GRIK4: variants seen among roughly 807,000 people sequenced by gnomAD.
GRIK4 encodes glutamate receptor ionotropic, kainate 4.
GRIK4 carries 40 observed loss-of-function variants against 104.9 expected under a neutral mutation model. The observed-to-expected ratio is 0.38, with a 90% CI of 0.30 to 0.50. The LOEUF is 0.50. Ranked by LOEUF, GRIK4 falls within the 20% of genes least tolerant of loss-of-function variation. The pLI is 0.93. For missense variants in GRIK4, 1,047 were observed against 1,308.1 expected, an observed-to-expected ratio of 0.80 and a Z score of 3.08; for synonymous variants, 485 against 524.9, an observed-to-expected ratio of 0.92 and a Z score of 1.04.
intron 8 of GRIK4, among the ~76,000 whole-genome samples, chr11:120,852,026 A>G (rs1039641948): frequency 6.6e-6 from 1 of 152,262 alleles, no homozygotes; most frequent in Admixed American, 6.5e-5. Context: ...AATGCTGATC[A>G]GTGCCTGAAG....
intron 3 of GRIK4, among the ~76,000 whole-genome samples, chr11:120,792,156 G>T (rs963960015): frequency 6.6e-6 from 1 of 152,168 alleles, no homozygotes; most frequent in African/African-American, 2.4e-5. Flanking sequence ...GGGGATGTCT[G>T]AGCCGAGATA....
chr11:120,647,854 C>T (rs535478697), intron 1 of GRIK4, among the ~76,000 whole-genome samples: 1 of 152,294 alleles, frequency 6.6e-6, no homozygotes, highest in Non-Finnish European at 1.5e-5. Context: ...CAGGGAGCTT[C>T]TTGAGGGAAG....
At chr11:120,766,292 C>T (rs1036711410) in intron 3 of GRIK4, among the ~76,000 whole-genome samples, 4 of 152,202 alleles carry the variant, frequency 2.6e-5, no homozygotes, top group South Asian at 2.1e-4. Flanking sequence ...TAATGGCAAA[C>T]GCCCCTCCCC....
intron 11 of GRIK4, among the ~76,000 whole-genome samples, chr11:120,887,196 T>G (rs1205032235): frequency 6.6e-6 from 1 of 152,226 alleles, no homozygotes; most frequent in African/African-American, 2.4e-5. Flanking sequence ...CAGAGAGGGC[T>G]GTTTTGTGGC....
At chr11:120,610,839 G>A (rs1164476027) in intron 1 of GRIK4, among the ~76,000 whole-genome samples, 1 of 152,280 alleles carries the variant, frequency 6.6e-6, no homozygotes, top group African/African-American at 2.4e-5. Context: ...CTTGCTACAG[G>A]TTATGCCTAG....
intron 3 of GRIK4, among the ~76,000 whole-genome samples, chr11:120,741,850 T>G (rs1038218187): frequency 6.6e-6 from 1 of 152,142 alleles, no homozygotes; most frequent in Non-Finnish European, 1.5e-5. Context: ...CAAAGCCCAG[T>G]GGGCCCCTGT....
rs60713831 is a variant in GRIK4 at position 120,568,394 on chromosome 11, C to CT, written c.-159+56518dup. 5.7e-4 allele frequency among the ~76,000 whole-genome samples: 83 copies of CT among 146,718 alleles called. 1 individual carries two copies. Among genetic ancestry groups the CT allele is most frequent in the Non-Finnish European group, 6.8e-4 (45 of 66,180 alleles). On this transcript the variant is annotated intron_variant, in intron 1 of 20. Coordinates refer to ENST00000527524, the MANE Select transcript of GRIK4 (RefSeq NM_014619.5). ...TCCAGGCATTCTTTTCTTTTCTTTT[C>CT]TTTTTTTTTTTGAGACAGAGTCTTG...
chr11:120,840,744 A>C (rs978138771), intron 8 of GRIK4, among the ~76,000 whole-genome samples: 11 of 152,168 alleles, frequency 7.2e-5, no homozygotes, highest in African/African-American at 2.7e-4. Flanking sequence ...TTCATCCAGA[A>C]ATCAATCTGC....
chr11:120,555,785 G>A lies in GRIK4; in HGVS notation c.-159+43898G>A, dbSNP rs1948180399. Reference sequence around the variant, plus strand: ...TTCATCCTTGTCCTCAGAGGCCTTGGGGCTTCTTCCCACCGTCATTATTGA... The same window carrying A: ...TTCATCCTTGTCCTCAGAGGCCTTGAGGCTTCTTCCCACCGTCATTATTGA... On this transcript the variant is annotated intron_variant, in intron 1 of 20. Coordinates refer to ENST00000527524, the MANE Select transcript of GRIK4 (RefSeq NM_014619.5). This position sits in a 1 kb window ranked among gnomAD's most constrained non-coding sequence, Gnocchi z 5.3. Among the ~76,000 whole-genome samples the A allele has an allele frequency of 6.6e-6, 1 of 152,050 alleles. No individual in the cohort carries two copies.
At chr11:120,657,798 G>A (rs1301914417) in intron 2 of GRIK4, among the ~76,000 whole-genome samples, 1 of 152,214 alleles carries the variant, frequency 6.6e-6, no homozygotes, top group Non-Finnish European at 1.5e-5. Flanking sequence ...TGTTGGGGGA[G>A]GCGGAGTGTC....
chr11:120,760,434 C>CATAT (rs34870881), intron 3 of GRIK4, among the ~76,000 whole-genome samples: 13,742 of 146,336 alleles, frequency 0.094, 966 homozygotes, highest in African/African-American at 0.19. Flanking sequence ...CATATATATA[C>CATAT]ATATATATAT....
At chr11:120,644,044 T>TGTGTGTGTGTGTGAGAGA (rs1446673011) in intron 1 of GRIK4, among the ~76,000 whole-genome samples, 3 of 112,642 alleles carry the variant, frequency 2.7e-5, no homozygotes, top group African/African-American at 1.1e-4. Context: ...TGTGTGTGTG[T>TGTGTGTGTGTGTGAGAGA]GAGAGAGAGA....
chr11:120,631,716 C>T (rs1949335415), intron 1 of GRIK4, among the ~76,000 whole-genome samples: 1 of 152,132 alleles, frequency 6.6e-6, no homozygotes, highest in Non-Finnish European at 1.5e-5. Context: ...TAATTTAGGG[C>T]TGATTATTAG....
At chr11:120,604,264 A>G (rs1948928985) in intron 1 of GRIK4, among the ~76,000 whole-genome samples, 1 of 152,002 alleles carries the variant, frequency 6.6e-6, no homozygotes, top group Non-Finnish European at 1.5e-5. Context: ...GCCCTGCCAC[A>G]AAGAATGATC....
chr11:120,690,665 A>G (rs1381153403), intron 3 of GRIK4, among the ~76,000 whole-genome samples: 1 of 152,198 alleles, frequency 6.6e-6, no homozygotes, highest in Non-Finnish European at 1.5e-5. Flanking sequence ...TTTCTCCCAA[A>G]TGGGGACAGC....
At chr11:120,552,106 T>A (rs1162674228) in intron 1 of GRIK4, among the ~76,000 whole-genome samples, 3 of 152,224 alleles carry the variant, frequency 2.0e-5, no homozygotes, top group Non-Finnish European at 4.4e-5. Context: ...GTGGTGGGAA[T>A]CTCAACTTGA....
intron 3 of GRIK4, among the ~76,000 whole-genome samples, chr11:120,679,454 C>A (rs1950156605): frequency 6.6e-6 from 1 of 152,238 alleles, no homozygotes; most frequent in Non-Finnish European, 1.5e-5. Context: ...TTGCAGCCCA[C>A]TGGGAAGGAG....
chr11:120,864,748 G>A (rs143822630), intron 9 of GRIK4, among the ~76,000 whole-genome samples: 2 of 152,318 alleles, frequency 1.3e-5, no homozygotes, highest in East Asian at 3.9e-4. Context: ...AGACAGATGA[G>A]GGTCCTTCGG....
chr11:120,869,908 G>A (rs1012765620), intron 9 of GRIK4: 1 of 152,270 alleles, frequency 6.6e-6, no homozygotes, highest in African/African-American at 2.4e-5. Context: ...GCGTGGCTTA[G>A]CAAGATTCCG....
Sources: gnomAD v4.1 joint callset for allele counts (sites outside exome capture counted in the v4.1 genomes callset) on GRCh38, gnomAD v4.1.1 for gene constraint, Gnocchi (gnomAD v3.1) non-coding constraint, MANE v1.5 for transcripts, NCBI Gene and HGNC (gene_info 2026-07-23, HGNC 2026-07-21) for gene names.